Variants in IFT43 observed in about 807,000 individuals in gnomAD.
IFT43 encodes the protein intraflagellar transport 43.
Under a neutral mutation model 32.3 loss-of-function variants are expected in IFT43, and 33 were observed. That is an observed-to-expected ratio of 1.02 (90% confidence interval 0.77 to 1.37). The LOEUF (loss-of-function observed/expected upper bound fraction) is 1.37, where lower values mean the gene tolerates loss of function less well. Ranked by LOEUF, IFT43 falls within the 40% of genes most tolerant of loss-of-function variation. The probability of loss-of-function intolerance (pLI) is 0.00; values close to 1 mark genes in which losing one functional copy is unlikely to be tolerated. For missense variants in IFT43, 274 were observed against 265.9 expected, an observed-to-expected ratio of 1.03 and a Z score of -0.21; for synonymous variants, 93 against 98.2, an observed-to-expected ratio of 0.95 and a Z score of 0.31.
At chr14:76,018,996 TAC>T (rs750665071) in intron 2 of IFT43, among the ~76,000 whole-genome samples, 2 of 152,168 alleles carry the variant, frequency 1.3e-5, no homozygotes, top group Non-Finnish European at 2.9e-5. Context: ...TTAATCCATT[TAC>T]ATTCAAGGTT....
chr14:76,018,859 T>G lies in IFT43; in HGVS notation c.148-3468T>G, dbSNP rs191343365. The stretch of plus-strand genomic sequence containing the variant: ...AGCTTCTCCTGCTTGCTTTGGGTTC[T>G]TATTTGCAGGAATTTTTTTCCATCC... On this transcript the variant is annotated intron_variant, in intron 2 of 8. Coordinates refer to ENST00000314067, the MANE Select transcript of IFT43 (RefSeq NM_001102564.3). Among the ~76,000 whole-genome samples the G allele has an allele frequency of 2.6e-5, 4 of 152,190 alleles. No homozygotes were observed. In the East Asian group the frequency reaches 7.7e-4, roughly 29 times the overall value.
intron 3 of IFT43, among the ~76,000 whole-genome samples, chr14:76,045,771 T>G (rs2036796929): frequency 6.6e-6 from 1 of 152,156 alleles, no homozygotes; most frequent in Non-Finnish European, 1.5e-5. Flanking sequence ...AAGAATTTGT[T>G]TTTTGGAGGT....
intron 2 of IFT43, among the ~76,000 whole-genome samples, chr14:76,010,534 T>C (rs867273032): frequency 6.6e-6 from 1 of 152,170 alleles, no homozygotes; most frequent in Non-Finnish European, 1.5e-5. Flanking sequence ...ATTCAACTGT[T>C]ACTACCATTT....
intron 5 of IFT43, among the ~76,000 whole-genome samples, chr14:76,081,287 G>A (rs1436748470): frequency 6.6e-6 from 1 of 152,236 alleles, no homozygotes; most frequent in African/African-American, 2.4e-5. Context: ...AATGAAAGAT[G>A]TCTTCACCAG....
intron 5 of IFT43, among the ~76,000 whole-genome samples, chr14:76,081,202 G>C (rs1234502839): frequency 1.3e-5 from 2 of 152,344 alleles, no homozygotes; most frequent in Admixed American, 6.5e-5. Flanking sequence ...AAAGTGGCAA[G>C]GGCCTTCTCA....
chr14:76,073,446 G>A (rs1473199664), intron 5 of IFT43, among the ~76,000 whole-genome samples: 2 of 152,192 alleles, frequency 1.3e-5, no homozygotes, highest in East Asian at 1.9e-4. Context: ...AACCTACATA[G>A]GGCAGAAATC....
intron 3 of IFT43, among the ~76,000 whole-genome samples, chr14:76,043,748 T>C (rs2036751488): frequency 6.6e-6 from 1 of 152,244 alleles, no homozygotes; most frequent in Non-Finnish European, 1.5e-5. Context: ...TAGCCAGTTC[T>C]GCAGTGGACA....
chr14:76,021,864 A>C (rs541006537), intron 2 of IFT43, among the ~76,000 whole-genome samples: 1 of 152,388 alleles, frequency 6.6e-6, no homozygotes, highest in East Asian at 1.9e-4. Flanking sequence ...AGATTTTCAT[A>C]GTAAATTACA....
At chr14:76,042,894 A>C (rs771165790) in intron 3 of IFT43, among the ~76,000 whole-genome samples, 1 of 152,164 alleles carries the variant, frequency 6.6e-6, no homozygotes. Context: ...GTACATGTTA[A>C]ATCGGGTTAG....
chr14:76,069,388 A>G (rs1048182890), intron 5 of IFT43, among the ~76,000 whole-genome samples: 7 of 152,164 alleles, frequency 4.6e-5, no homozygotes, highest in African/African-American at 1.4e-4. Flanking sequence ...GTATGAAGTC[A>G]GGGGCCCTGG....
chr14:76,065,360 G>T (rs2140067456), intron 5 of IFT43, among the ~76,000 whole-genome samples: 1 of 152,184 alleles, frequency 6.6e-6, no homozygotes, highest in East Asian at 1.9e-4. Context: ...ACTAAGGCCT[G>T]GTTTGTATAC....
chr14:75,992,012 T>C (rs1414019984), intron 2 of IFT43, among the ~76,000 whole-genome samples: 1 of 152,244 alleles, frequency 6.6e-6, no homozygotes, highest in Non-Finnish European at 1.5e-5. Context: ...TTTGTCCTCT[T>C]GCTGACTGTA....
At chr14:76,073,707 A>G (rs988735335) in intron 5 of IFT43, among the ~76,000 whole-genome samples, 4 of 152,186 alleles carry the variant, frequency 2.6e-5, no homozygotes, top group African/African-American at 4.8e-5. Flanking sequence ...AAGACCCTTC[A>G]AGAGAAAGCT....
Position 76,031,794 on chromosome 14 carries a change from G to T in IFT43, c.215+9400G>T, listed in dbSNP as rs2036513249. ...TCACTTGCTTGGCTTTTCAGTCTGT[G>T]GCCTGGTTCTGACCCCTCGAAATGT... On this transcript the variant is annotated intron_variant, in intron 3 of 8. Transcript: ENST00000314067. Among the ~76,000 whole-genome samples, 3 of 152,140 alleles carry T rather than the reference G, an allele frequency of 2.0e-5. 1 individual carries two copies. Among genetic ancestry groups the T allele is most frequent in the Admixed American group, 2.0e-4 (3 of 15,286 alleles).
At chr14:76,071,043 G>A (rs4903375) in intron 5 of IFT43, among the ~76,000 whole-genome samples, 127,539 of 152,118 alleles carry the variant, frequency 0.84, 53,601 homozygotes, top group Non-Finnish European at 0.87. Flanking sequence ...TCCTAAGTTC[G>A]GAGTTACTAG....
In IFT43 at chr14:76,034,641, T is replaced by C. The variant is rs547590448; in HGVS notation, c.215+12247T>C. On this transcript the variant is annotated intron_variant, in intron 3 of 8. Transcript: ENST00000314067. ...GGAGCTCATAGCTAAGGAATATGAG[T>C]TTCTGGGATACCTTGGCTTTATTTG... is the stretch of plus-strand genomic sequence containing the variant. Among the ~76,000 whole-genome samples, 6 of 152,242 alleles carry C rather than the reference T, an allele frequency of 3.9e-5. No homozygotes were observed. The East Asian group carries it at 1.2e-3, about 29-fold the overall frequency.
intron 2 of IFT43, among the ~76,000 whole-genome samples, chr14:75,995,143 T>G (rs1395626495): frequency 6.6e-6 from 1 of 152,206 alleles, no homozygotes; most frequent in Non-Finnish European, 1.5e-5. Flanking sequence ...ATCATCATGT[T>G]GTACATGTGA....
chr14:76,028,432 T>C (rs1379810494), intron 3 of IFT43, among the ~76,000 whole-genome samples: 2 of 152,212 alleles, frequency 1.3e-5, no homozygotes, highest in African/African-American at 4.8e-5. Flanking sequence ...TCTATTGCTT[T>C]CTGTCTTTAA....
At chr14:76,041,722 T>C (rs774478901) in intron 3 of IFT43, among the ~76,000 whole-genome samples, 4 of 148,270 alleles carry the variant, frequency 2.7e-5, no homozygotes, top group Non-Finnish European at 5.9e-5. Context: ...TTTTACCCAC[T>C]TCAATACGTG....
Sources: gnomAD v4.1 joint callset for allele counts (sites outside exome capture counted in the v4.1 genomes callset) on GRCh38, gnomAD v4.1.1 for gene constraint, MANE v1.5 for transcripts, NCBI Gene and HGNC (gene_info 2026-07-23, HGNC 2026-07-21) for gene names.